The following PTPRT variants were observed in gnomAD, a reference collection of about 807,000 sequenced individuals.
PTPRT encodes the protein receptor-type tyrosine-protein phosphatase T.
Under a neutral mutation model 176.8 loss-of-function variants are expected in PTPRT, and 56 were observed. The ratio of observed to expected loss-of-function variants is 0.32; its 90% CI spans 0.26 to 0.40. The LOEUF (loss-of-function observed/expected upper bound fraction) is 0.40, where lower values mean the gene tolerates loss of function less well. PTPRT is among the 10% of genes least tolerant of loss of function. PTPRT has a pLI of 1.00. For synonymous variants in PTPRT, 783 were observed against 739.0 expected (o/e 1.06, Z -0.96); for missense variants, 1,540 against 1,908.2 (o/e 0.81, Z 3.60).
chr20:42,947,985 T>TTGAA (rs57263700), intron 1 of PTPRT, among the ~76,000 whole-genome samples: 2,919 of 152,144 alleles, frequency 0.019, 62 homozygotes, highest in African/African-American at 0.049. Context: ...CATGCATTTG[T>TTGAA]TGAATGAATG....
intron 11 of PTPRT, among the ~76,000 whole-genome samples, chr20:42,326,501 A>G (rs1380292888): frequency 6.6e-6 from 1 of 152,242 alleles, no homozygotes; most frequent in Non-Finnish European, 1.5e-5. Context: ...TTTGTAGAAG[A>G]TGGAAATAAA....
At chr20:42,716,042 G>A (rs1287418279) in intron 6 of PTPRT, among the ~76,000 whole-genome samples, 4 of 152,070 alleles carry the variant, frequency 2.6e-5, no homozygotes, top group African/African-American at 9.7e-5. Context: ...AGTGGGACTT[G>A]CTCTATTGCA....
chr20:42,091,484 T>C (rs1984613474), intron 27 of PTPRT, among the ~76,000 whole-genome samples: 1 of 152,210 alleles, frequency 6.6e-6, no homozygotes, highest in African/African-American at 2.4e-5. Context: ...TAAAAATACT[T>C]TGATAAAATG....
Position 42,613,434 on chromosome 20 carries a change from T to C in PTPRT, c.1153+64432A>G, listed in dbSNP as rs79703692. On this transcript the variant is annotated intron_variant, in intron 7 of 30. Coordinates refer to ENST00000373187, the MANE Select transcript of PTPRT (RefSeq NM_007050.6). ...GAATAGCCCGTTAAATCCATACTAG[T>C]TATGCAGCTCTTTGAAGACACACAC... 5.8e-3 allele frequency among the ~76,000 whole-genome samples: 885 copies of C among 152,356 alleles called. 8 individuals are homozygous for C. The highest frequency in any genetic ancestry group is 0.02 in the African/African-American group (841 of 41,576).
intron 2 of PTPRT, among the ~76,000 whole-genome samples, chr20:42,856,448 G>A (rs988995024): frequency 2.0e-5 from 3 of 152,040 alleles, no homozygotes; most frequent in Non-Finnish European, 4.4e-5. Flanking sequence ...TGGAAGAAGA[G>A]ATGCTCCAGG....
At position 42,406,199 on chromosome 20, in the gene PTPRT, C is replaced by T. The variant is rs183307365; in HGVS notation, c.1560+42021G>A. On this transcript the variant is annotated intron_variant, in intron 9 of 30. Coordinates refer to ENST00000373187, the MANE Select transcript of PTPRT (RefSeq NM_007050.6). ...GAGCTAAAAATAATGACATTATTTT[C>T]TTTTTAGCGAAGTAAACAATAATAA... 5.3e-3 allele frequency among the ~76,000 whole-genome samples: 799 copies of T among 151,892 alleles called. 10 individuals are homozygous for T. Among genetic ancestry groups the T allele is most frequent in the Non-Finnish European group, 6.0e-3 (410 of 67,956 alleles).
chr20:43,062,102 A>G (rs897021817), intron 1 of PTPRT, among the ~76,000 whole-genome samples: 7 of 152,222 alleles, frequency 4.6e-5, no homozygotes, highest in Admixed American at 4.6e-4. Context: ...GGAAGGAAGG[A>G]CTGCAAAGAG....
intron 13 of PTPRT, 70 bp downstream of exon 13, chr20:42,282,419 T>G: frequency 2.1e-6 from 3 of 1,446,488 alleles, no homozygotes; most frequent in Non-Finnish European, 2.9e-6. Context: ...AATCTTTCTC[T>G]GTGTGGCTAG....
chr20:42,446,164 C>T (rs1174379516), intron 9 of PTPRT, among the ~76,000 whole-genome samples: 1 of 152,252 alleles, frequency 6.6e-6, no homozygotes, highest in South Asian at 2.1e-4. Context: ...CATAGCCCTA[C>T]AGTAGTAGTT....
chr20:43,177,345 T>G (rs1019092706), intron 1 of PTPRT, among the ~76,000 whole-genome samples: 1 of 152,200 alleles, frequency 6.6e-6, no homozygotes, highest in African/African-American at 2.4e-5. Flanking sequence ...CTGGAACCTT[T>G]TGTGTGAGCC....
chr20:42,799,961 G>T (rs574472618), intron 2 of PTPRT, among the ~76,000 whole-genome samples: 2 of 152,316 alleles, frequency 1.3e-5, no homozygotes, highest in African/African-American at 4.8e-5. Context: ...GGGAAGGAAA[G>T]ATCTTTCTCC....
At chr20:42,495,521 G>A (rs2071637743) in intron 7 of PTPRT, among the ~76,000 whole-genome samples, 1 of 152,168 alleles carries the variant, frequency 6.6e-6, no homozygotes, top group African/African-American at 2.4e-5. Context: ...AAGAAATAAA[G>A]CAATAATTCT....
intron 11 of PTPRT, among the ~76,000 whole-genome samples, chr20:42,316,726 C>T (rs555744929): frequency 8.9e-4 from 135 of 152,312 alleles, no homozygotes; most frequent in African/African-American, 3.1e-3. Flanking sequence ...ATTGCACAGA[C>T]ATCTTTTGGA....
intron 7 of PTPRT, among the ~76,000 whole-genome samples, chr20:42,539,494 C>A (rs1278058262): frequency 6.6e-6 from 1 of 151,056 alleles, no homozygotes; most frequent in East Asian, 1.9e-4. Flanking sequence ...GTGATCTAAT[C>A]TGCCCTCTCC....
At chr20:42,938,882 AC>A (rs1980374422) in intron 1 of PTPRT, among the ~76,000 whole-genome samples, 1 of 152,248 alleles carries the variant, frequency 6.6e-6, no homozygotes, top group African/African-American at 2.4e-5. Flanking sequence ...AAGAAAAGAA[AC>A]CAATTAAAAA....
intron 13 of PTPRT, among the ~76,000 whole-genome samples, chr20:42,282,166 A>G (rs2057150501): frequency 6.6e-6 from 1 of 152,168 alleles, no homozygotes; most frequent in African/African-American, 2.4e-5. Context: ...AGACCCAAAT[A>G]TAAGAAAAAC....
intron 11 of PTPRT, among the ~76,000 whole-genome samples, chr20:42,343,754 G>T (rs576261316): frequency 6.6e-6 from 1 of 152,182 alleles, no homozygotes; most frequent in African/African-American, 2.4e-5. Flanking sequence ...CCAGCACTTC[G>T]CATGTAGTAG....
chr20:42,716,436 C>T (rs1020347493), intron 6 of PTPRT, among the ~76,000 whole-genome samples: 6 of 152,098 alleles, frequency 3.9e-5, no homozygotes, highest in Admixed American at 6.6e-5. Context: ...TTTTAATGAT[C>T]GCCATTCCAA....
At chr20:43,185,291 T>G (rs2015363099) in intron 1 of PTPRT, among the ~76,000 whole-genome samples, 1 of 152,218 alleles carries the variant, frequency 6.6e-6, no homozygotes, top group Admixed American at 6.5e-5. Context: ...TCTTTGCTTG[T>G]TTATCAAGTG....
Sources: gnomAD v4.1 joint callset for allele counts (sites outside exome capture counted in the v4.1 genomes callset) on GRCh38, gnomAD v4.1.1 for gene constraint, MANE v1.5 for transcripts, NCBI Gene and HGNC (gene_info 2026-07-23, HGNC 2026-07-21) for gene names.